Variants in KIAA0513 observed in about 807,000 individuals in gnomAD.
The protein encoded by KIAA0513 is uncharacterized protein KIAA0513.
Under a neutral mutation model 56.5 loss-of-function variants are expected in KIAA0513, and 39 were observed. That is an observed-to-expected ratio of 0.69 (90% CI 0.53 to 0.90). The LOEUF (loss-of-function observed/expected upper bound fraction) is 0.90, where lower values mean the gene tolerates loss of function less well. Ranked by LOEUF, KIAA0513 falls within the 40% of genes least tolerant of loss-of-function variation. The pLI, the probability that KIAA0513 is intolerant of heterozygous loss-of-function variation, is 0.00. For missense variants in KIAA0513, 591 were observed against 535.2 expected (o/e 1.10, Z -1.03); for synonymous variants, 268 against 215.6 (o/e 1.24, Z -2.13).
intron 1 of KIAA0513, among the ~76,000 whole-genome samples, chr16:85,044,359 G>A (rs972554848): frequency 6.6e-6 from 1 of 152,126 alleles, no homozygotes; most frequent in African/African-American, 2.4e-5. Flanking sequence ...TCAGCGAGGT[G>A]ACTCAGAAAT....
At position 85,081,664 on chromosome 16, in the gene KIAA0513, C is replaced by G. The variant is rs977221118; in HGVS notation, c.980+272C>G. ...AAATGCAAACTCCCACTAAGACCAT[C>G]AGGACCCCTGCTGCTGGGCCCACCC... On this transcript the variant is annotated intron_variant, in intron 9 of 12. Coordinates refer to ENST00000683363, the MANE Select transcript of KIAA0513 (RefSeq NM_001388359.1). The surrounding 1 kb of genome is among the most constrained non-coding windows in gnomAD (Gnocchi z 4.4). Among the ~76,000 whole-genome samples the G allele has an allele frequency of 5.9e-5, 9 of 152,166 alleles. No individual in the cohort carries two copies. The highest frequency in any genetic ancestry group is 1.2e-4 in the Non-Finnish European group (8 of 68,030).
chr16:85,077,313 C>T (rs2073669968), intron 5 of KIAA0513, 112 bp from the exon 6 acceptor site: 1 of 969,796 alleles, frequency 1.0e-6, no homozygotes, highest in Non-Finnish European at 1.5e-6. Context: ...AGGAGGGAGG[C>T]TCCCGTATCC....
chr16:85,068,226 A>G (rs1011755411), intron 2 of KIAA0513, among the ~76,000 whole-genome samples: 3 of 151,314 alleles, frequency 2.0e-5, no homozygotes, highest in Non-Finnish European at 4.4e-5. Context: ...GTGCGATTTC[A>G]GCTCACTGCA....
At position 85,067,216 on chromosome 16, in the gene KIAA0513, G is replaced by C. The variant is rs771517203; in HGVS notation, c.145G>C (p.Glu49Gln). The C allele has an allele frequency of 3.7e-6, 6 of 1,614,080 alleles. No individual in the cohort carries two copies. In the Admixed American group the frequency reaches 1.0e-4, roughly 27 times the overall value. Residue 49 changes from glutamate to glutamine, a missense_variant, in exon 2 of 13, where the codon GAG becomes CAG. By Grantham distance (29) the Glu-to-Gln change is conservative. Transcript: ENST00000683363. ...CGGTGCATCAGAGAGTGAGACCACT[G>C]AGTCTGCGGACAGTGAGAATGACAT... The part of the protein sequence containing the change: ...GDGASESETT[E>Q]SADSENDMGE...
At chr16:85,082,529 G>T (rs1434483205) in intron 9 of KIAA0513, 35 bp from the exon 10 acceptor site, 2 of 1,612,534 alleles carry the variant, frequency 1.2e-6, no homozygotes, top group Admixed American at 1.7e-5. Context: ...ACTTTGACAT[G>T]TTCCTTTGTT....
At chr16:85,075,665 C>A (rs2073645643) in intron 4 of KIAA0513, among the ~76,000 whole-genome samples, 179 bp from the exon 5 acceptor site, 1 of 152,240 alleles carries the variant, frequency 6.6e-6, no homozygotes, top group African/African-American at 2.4e-5. Flanking sequence ...GAATCAGTCC[C>A]AGGCCGTGTG....
Position 85,088,864 on chromosome 16 carries a change from G to A in KIAA0513, c.*539G>A, listed in dbSNP as rs906848911. Reference sequence around the variant, plus strand: ...TCACTATTCCCCAGTCTCCCGCTGTGGGGCAGGAACAGGAAGTGACGGGAA... The same window carrying A: ...TCACTATTCCCCAGTCTCCCGCTGTAGGGCAGGAACAGGAAGTGACGGGAA... On this transcript the variant is annotated 3_prime_UTR_variant, in exon 13 of 13. Coordinates refer to ENST00000683363, the MANE Select transcript of KIAA0513 (RefSeq NM_001388359.1). 4 of 153,826 alleles carry A rather than the reference G, an allele frequency of 2.6e-5. No homozygotes were observed. The highest frequency in any genetic ancestry group is 9.6e-5 in the African/African-American group (4 of 41,492). 9.5% of individuals were successfully genotyped at this position (153,826 alleles called of 1,614,324 possible).
At chr16:85,033,162 C>T (rs1352291925) in intron 1 of KIAA0513, among the ~76,000 whole-genome samples, 6 of 152,136 alleles carry the variant, frequency 3.9e-5, no homozygotes, top group African/African-American at 9.7e-5. Flanking sequence ...TTATGATTTG[C>T]GAGACAAGTA....
intron 1 of KIAA0513, among the ~76,000 whole-genome samples, chr16:85,060,086 G>A (rs1391670417): frequency 2.0e-5 from 3 of 152,074 alleles, no homozygotes; most frequent in Non-Finnish European, 4.4e-5. Context: ...TCAGACTCCC[G>A]AGTAGCTAGG....
At chr16:85,042,093 A>C (rs1238127337) in intron 1 of KIAA0513, among the ~76,000 whole-genome samples, 1 of 152,092 alleles carries the variant, frequency 6.6e-6, no homozygotes, top group African/African-American at 2.4e-5. Flanking sequence ...TTTTGTTCCC[A>C]CTTGTTTGCA....
At chr16:85,063,929 CT>C (rs1274353672) in intron 1 of KIAA0513, among the ~76,000 whole-genome samples, 1 of 151,560 alleles carries the variant, frequency 6.6e-6, no homozygotes, top group Non-Finnish European at 1.5e-5. Context: ...TGAACGTTTT[CT>C]GAATTGTATC....
At chr16:85,079,576 A>G (rs2073712173) in intron 8 of KIAA0513, 1 of 153,692 alleles carries the variant, frequency 6.5e-6, no homozygotes, top group Non-Finnish European at 1.4e-5. Flanking sequence ...ATCCCTATGA[A>G]ATGTCCAGAA....
At chr16:85,031,354 C>T (rs934484140) in intron 1 of KIAA0513, among the ~76,000 whole-genome samples, 2 of 152,062 alleles carry the variant, frequency 1.3e-5, no homozygotes, top group Non-Finnish European at 2.9e-5. Context: ...TGTGGTGGTG[C>T]AAACCTGTAA....
intron 1 of KIAA0513, among the ~76,000 whole-genome samples, chr16:85,057,004 C>T (rs1363344149): frequency 6.6e-6 from 1 of 152,178 alleles, no homozygotes; most frequent in Admixed American, 6.6e-5. Flanking sequence ...TGCACCCAGC[C>T]GAGATACTTG....
chr16:85,048,816 T>G (rs1364921012), intron 1 of KIAA0513, among the ~76,000 whole-genome samples: 1 of 152,196 alleles, frequency 6.6e-6, no homozygotes, highest in Non-Finnish European at 1.5e-5. Context: ...AAGGGAGGAT[T>G]TCAGAAGACC....
intron 1 of KIAA0513, among the ~76,000 whole-genome samples, chr16:85,051,536 C>G (rs1051481381): frequency 2.6e-5 from 4 of 152,200 alleles, no homozygotes; most frequent in Non-Finnish European, 4.4e-5. Flanking sequence ...GAGAACTGTT[C>G]CGGTTGGTGG....
chr16:85,061,901 G>A (rs189715207), intron 1 of KIAA0513, among the ~76,000 whole-genome samples: 26 of 152,262 alleles, frequency 1.7e-4, no homozygotes, highest in African/African-American at 2.4e-5. Context: ...TCCCATGAGC[G>A]GTGGCTCCCC....
Position 85,086,698 on chromosome 16 carries a change from C to T in KIAA0513, c.1065C>T (p.Asn355=), listed in dbSNP as rs374747360. 17 of 1,613,722 alleles carry T rather than the reference C, an allele frequency of 1.1e-5. No individual in the cohort carries two copies. The highest frequency in any genetic ancestry group is 2.7e-5 in the African/African-American group (2 of 74,920). Residue 355 remains asparagine, a synonymous_variant, in exon 11 of 13, where the codon AAC becomes AAT. Coordinates refer to ENST00000683363, the MANE Select transcript of KIAA0513 (RefSeq NM_001388359.1). ...AGCGCGACGACAGCCTCCGGTTCAA[C>T]GAGAACATCACCTTCGGGCAGCTGG... ...QEERDDSLRF[N]ENITFGQLGT...
intron 2 of KIAA0513, among the ~76,000 whole-genome samples, chr16:85,070,891 G>A (rs932149742): frequency 2.0e-5 from 3 of 152,148 alleles, no homozygotes; most frequent in African/African-American, 7.2e-5. Flanking sequence ...TCAGCAATAC[G>A]GAATGTGGAC....
Sources: gnomAD v4.1 joint callset for allele counts (sites outside exome capture counted in the v4.1 genomes callset) on GRCh38, gnomAD v4.1.1 for gene constraint, Gnocchi (gnomAD v3.1) non-coding constraint, MANE v1.5 for transcripts, NCBI Gene and HGNC (gene_info 2026-07-23, HGNC 2026-07-21) for gene names.